Variants in SAG observed in about 807,000 individuals in gnomAD.
The protein encoded by SAG is S-arrestin.
Under a neutral mutation model 55.0 loss-of-function variants are expected in SAG, and 45 were observed. That is an observed-to-expected ratio of 0.82 (90% confidence interval 0.64 to 1.05). The LOEUF is 1.05. Among genes scored for constraint, SAG ranks in the 50% least tolerant of loss-of-function variants. SAG has a pLI of 0.00. For synonymous variants in SAG, 189 were observed against 197.4 expected (o/e 0.96, Z 0.36); for missense variants, 455 against 512.1 (o/e 0.89, Z 1.08).
At position 233,319,522 on chromosome 2, in the gene SAG, C is replaced by T. The variant is rs1559436520; in HGVS notation, c.181+727C>T. ...CCTTTTTGAGTGTTGCTACTGGCAACATCAAGGAATTGTTCAGAACCCTGG... is the reference window on the plus strand; with the variant it reads ...CCTTTTTGAGTGTTGCTACTGGCAATATCAAGGAATTGTTCAGAACCCTGG... On this transcript the variant is annotated intron_variant, in intron 4 of 15. Transcript: ENST00000409110. This position sits in a 1 kb window ranked among gnomAD's most constrained non-coding sequence, Gnocchi z 4.4. 1.1e-6 allele frequency: 1 copy of T among 924,698 alleles called. No individual in the cohort carries two copies. The highest frequency in any genetic ancestry group is 1.3e-6 in the Non-Finnish European group (1 of 772,028). 57.3% of individuals were successfully genotyped at this position (924,698 alleles called of 1,614,324 possible).
intron 8 of SAG, chr2:233,328,949 A>G (rs1165579975): frequency 7.2e-6 from 2 of 278,340 alleles, no homozygotes; most frequent in East Asian, 7.5e-5. Flanking sequence ...TGGAGCATCA[A>G]TAGCTGTGGT....
intron 7 of SAG, chr2:233,327,776 C>G (rs1460547903): frequency 6.6e-6 from 1 of 152,506 alleles, no homozygotes; most frequent in African/African-American, 2.4e-5. Flanking sequence ...TCTTGAACTC[C>G]TGACCTCAAG....
chr2:233,346,932 C>G lies in SAG; in HGVS notation c.*20C>G. On this transcript the variant is annotated 3_prime_UTR_variant, in exon 16 of 16. Coordinates refer to ENST00000409110, the MANE Select transcript of SAG (RefSeq NM_000541.5). The stretch of plus-strand genomic sequence containing the variant: ...GAGTGAAGATGTCGGCTCAGGATGC[C>G]GGAAAATGACCTGTAGTTACCAGTG... 6.9e-7 allele frequency: 1 copy of G among 1,446,388 alleles called. No homozygotes were observed. Among genetic ancestry groups the G allele is most frequent in the African/African-American group, 1.4e-5 (1 of 71,956 alleles). 89.6% of individuals were successfully genotyped at this position (1,446,388 alleles called of 1,614,324 possible). A position where few individuals can be genotyped will look rare whatever the true frequency, so the allele number is the denominator to read the frequency against.
intron 7 of SAG, chr2:233,327,511 A>G (rs990787935): frequency 2.5e-5 from 6 of 239,310 alleles, no homozygotes; most frequent in East Asian, 8.8e-5. Flanking sequence ...AATGTACACA[A>G]CATGAAGTTT....
intron 3 of SAG, among the ~76,000 whole-genome samples, chr2:233,318,433 A>G (rs933437873): frequency 3.3e-5 from 5 of 151,870 alleles, no homozygotes; most frequent in African/African-American, 1.2e-4. Context: ...GGATCTCACT[A>G]TGTTGCTCAG....
chr2:233,338,614 C>T, intron 11 of SAG, 62 bp from the exon 12 acceptor site: 1 of 1,418,238 alleles, frequency 7.1e-7, no homozygotes, highest in Non-Finnish European at 1.0e-6. Flanking sequence ...GGAAAGGCTG[C>T]CCATCTGCTC....
chr2:233,339,443 A>G (rs938935786), intron 12 of SAG, among the ~76,000 whole-genome samples: 6 of 152,172 alleles, frequency 3.9e-5, no homozygotes, highest in African/African-American at 1.4e-4. Context: ...AGTAGTAAAG[A>G]ATTCCCTTGA....
At chr2:233,330,789 C>A (rs1241795491) in intron 9 of SAG, among the ~76,000 whole-genome samples, 3 of 152,160 alleles carry the variant, frequency 2.0e-5, no homozygotes, top group African/African-American at 7.2e-5. Context: ...GCCTCAGCCT[C>A]CCAAAGTGCT....
chr2:233,329,497 A>G lies in SAG; in HGVS notation c.653A>G (p.Tyr218Cys). 4 of 1,609,942 alleles carry G rather than the reference A, an allele frequency of 2.5e-6. No individual in the cohort carries two copies. The highest frequency in any genetic ancestry group is 3.4e-6 in the Non-Finnish European group (4 of 1,176,296). ...HLAVSLNKEI[Y>C]FHGEPIPVTV... ...CCTATCTGCTGACTTTTCTAGATCT[A>G]TTTCCATGGGGAGCCCATCCCTGTG... The change falls in exon 9 of 16, where the codon TAT becomes TGT. Residue 218 changes from tyrosine to cysteine, a missense_variant. By Grantham distance (194) the Tyr-to-Cys change is radical. Transcript: ENST00000409110.
chr2:233,321,959 A>G (rs560542430), intron 5 of SAG, among the ~76,000 whole-genome samples: 3 of 151,178 alleles, frequency 2.0e-5, no homozygotes, highest in Non-Finnish European at 4.4e-5. Context: ...CTTGGCTAAC[A>G]TGGTGAAACC....
intron 2 of SAG, among the ~76,000 whole-genome samples, chr2:233,311,122 G>A (rs1700066293): frequency 6.6e-6 from 1 of 152,052 alleles, no homozygotes; most frequent in Non-Finnish European, 1.5e-5. Context: ...AGTCCTCACA[G>A]GTGGGAAAAG....
chr2:233,309,321 C>T, intron 2 of SAG, 57 bp downstream of exon 2: 8 of 1,468,710 alleles, frequency 5.4e-6, no homozygotes, highest in Non-Finnish European at 7.5e-6. Context: ...AAAAATGGAG[C>T]TTTTTCAAGT....
intron 11 of SAG, among the ~76,000 whole-genome samples, chr2:233,336,451 G>T (rs1007417574): frequency 1.3e-5 from 2 of 151,778 alleles, no homozygotes; most frequent in Admixed American, 1.3e-4. Flanking sequence ...GGAGGCGGAG[G>T]TTGTGGTGAG....
At chr2:233,315,675 A>G (rs921343296) in intron 2 of SAG, among the ~76,000 whole-genome samples, 2 of 151,426 alleles carry the variant, frequency 1.3e-5, no homozygotes, top group African/African-American at 4.9e-5. Context: ...AATGGATGGC[A>G]AAAGTCTCAT....
Position 233,327,280 on chromosome 2 carries a change from C to A in SAG, c.512+83C>A. The A allele has an allele frequency of 1.2e-5, 13 of 1,120,364 alleles. No individual in the cohort carries two copies. In the South Asian group the frequency reaches 1.4e-4, roughly 12 times the overall value. The allele number at this position is 1,120,364 out of a possible 1,614,324, so 69.4% of individuals were successfully genotyped here. On this transcript the variant is annotated intron_variant, in intron 7 of 15. Coordinates refer to ENST00000409110, the MANE Select transcript of SAG (RefSeq NM_000541.5). ...CGACCTCCACCTTGTCTCTGTGGGA[C>A]AGACCTCTTCCCATAGGGCTGGCAC...
rs6431310 is a variant in SAG, at chr2:233,334,676, T to C, written c.807-286T>C. The C allele has an allele frequency of 0.65, 200,564 of 307,028 alleles. 67,214 individuals are homozygous for C. The highest frequency in any genetic ancestry group is 0.79 in the African/African-American group (37,113 of 47,248). The allele number at this position is 307,028 out of a possible 1,614,324, so 19.0% of individuals were successfully genotyped here. A position where few individuals can be genotyped will look rare whatever the true frequency, so the allele number is the denominator to read the frequency against. ...GGAGGAGGCTGTGGTCTCTGACTCTTGAGCCAGTTTGTCTCATTAACTCCA... is the reference window on the plus strand; with the variant it reads ...GGAGGAGGCTGTGGTCTCTGACTCTCGAGCCAGTTTGTCTCATTAACTCCA... On this transcript the variant is annotated intron_variant, in intron 10 of 15. Coordinates refer to ENST00000409110, the MANE Select transcript of SAG (RefSeq NM_000541.5).
In SAG at chr2:233,342,302, A is replaced by C; in HGVS notation, c.1078A>C (p.Met360Leu). Reference sequence around the variant, plus strand: ...CGCCACTGAGGTCCCATTCCGCCTCATGCACCCTCAGCCTGAGGACCCAGG... The same window carrying C: ...CGCCACTGAGGTCCCATTCCGCCTCCTGCACCCTCAGCCTGAGGACCCAGG... Reference protein sequence around the residue: ...EVATEVPFRLMHPQPEDPAKE... With the variant: ...EVATEVPFRLLHPQPEDPAKE... The change falls in exon 14 of 16, where the codon ATG (methionine) becomes CTG (leucine). Residue 360 changes from methionine (M) to leucine (L), a missense_variant. By Grantham distance (15) the Met-to-Leu change is conservative. Transcript: ENST00000409110. 6.2e-7 allele frequency: 1 copy of C among 1,609,032 alleles called. No homozygotes were observed.
chr2:233,331,809 C>T (rs554100196), intron 10 of SAG, 97 bp downstream of exon 10: 3 of 878,618 alleles, frequency 3.4e-6, no homozygotes, highest in Non-Finnish European at 3.8e-6. Flanking sequence ...GAATGTTCAG[C>T]TAGCTCGCCA....
In SAG at chr2:233,318,758, C is replaced by T. The variant is rs534970020; in HGVS notation, c.144C>T (p.Val48=). The T allele has an allele frequency of 3.0e-5, 48 of 1,613,728 alleles. No homozygotes were observed. The East Asian group carries it at 4.0e-4, about 13-fold the overall frequency. Residue 48 remains valine (V), a synonymous_variant, in exon 4 of 16, where the codon GTC becomes GTT. Coordinates refer to ENST00000409110, the MANE Select transcript of SAG (RefSeq NM_000541.5). ...CTCCCTCTTTTGCCTTAGATGGTGT[C>T]GTGTTGGTTGATCCTGATCTTGTGA... ...HVSQVQPVDG[V]VLVDPDLVKG... is the part of the protein sequence containing the mutation.
Sources: allele counts gnomAD v4.1 joint callset (sites outside exome capture counted in the v4.1 genomes callset), GRCh38; gene constraint gnomAD v4.1.1; non-coding constraint Gnocchi (gnomAD v3.1); transcripts MANE v1.5; gene names NCBI Gene and HGNC (gene_info 2026-07-23, HGNC 2026-07-21).